Variants in CEP112 observed in about 807,000 individuals in gnomAD.
CEP112 encodes centrosomal protein 112.
Under a neutral mutation model 153.0 loss-of-function variants are expected in CEP112, and 127 were observed. The observed-to-expected ratio is 0.83, with a 90% CI of 0.72 to 0.96. The LOEUF (loss-of-function observed/expected upper bound fraction) is 0.96, where lower values mean the gene tolerates loss of function less well. Among genes scored for constraint, CEP112 ranks in the 40% least tolerant of loss-of-function variants. The pLI is 0.00. For missense variants in CEP112, 1,089 were observed against 1,101.2 expected (o/e 0.99, Z 0.16); for synonymous variants, 358 against 374.4 (o/e 0.96, Z 0.51).
At chr17:65,865,494 T>C (rs2058453843) in intron 20 of CEP112, among the ~76,000 whole-genome samples, 3 of 152,204 alleles carry the variant, frequency 2.0e-5, no homozygotes, top group African/African-American at 7.2e-5. Flanking sequence ...CAATGGGCCG[T>C]CCAGATCCCC....
intron 20 of CEP112, 145 bp downstream of exon 20, chr17:65,902,005 GGA>G (rs2059879714): frequency 7.1e-6 from 2 of 281,072 alleles, no homozygotes; most frequent in South Asian, 5.3e-5. Context: ...GGGGTGGGGG[GGA>G]GAAAAACAAA....
At chr17:66,048,551 G>A (rs186522268) in intron 12 of CEP112, among the ~76,000 whole-genome samples, 4 of 152,312 alleles carry the variant, frequency 2.6e-5, no homozygotes, top group South Asian at 2.1e-4. Flanking sequence ...ATATATAGGC[G>A]AACCTTCTTG....
intron 6 of CEP112, among the ~76,000 whole-genome samples, chr17:66,109,718 T>C (rs2068939252): frequency 6.6e-6 from 1 of 152,136 alleles, no homozygotes; most frequent in African/African-American, 2.4e-5. Context: ...GATCTAGCAA[T>C]TAAATGTGAT....
intron 24 of CEP112, among the ~76,000 whole-genome samples, chr17:65,650,437 C>A (rs897203232): frequency 2.0e-5 from 3 of 152,186 alleles, no homozygotes; most frequent in African/African-American, 7.2e-5. Flanking sequence ...CTAGCACTTT[C>A]CTGGCAAGGA....
chr17:65,665,688 C>A lies in CEP112; in HGVS notation c.2697+23441G>T, dbSNP rs562154848. Among the ~76,000 whole-genome samples the A allele has an allele frequency of 2.0e-5, 3 of 152,268 alleles. No individual in the cohort carries two copies. In the South Asian group the frequency reaches 6.2e-4, roughly 32 times the overall value. On this transcript the variant is annotated intron_variant, in intron 24 of 26. Coordinates refer to ENST00000535342, the MANE Select transcript of CEP112 (RefSeq NM_001199165.4). ...TTGGCTTTTGGTCACATAATTTGAG[C>A]TATTGGATTAAGCCTCCCCTGAAGC...
chr17:65,791,849 T>C (rs1352687097), intron 21 of CEP112, among the ~76,000 whole-genome samples: 1 of 152,124 alleles, frequency 6.6e-6, no homozygotes, highest in African/African-American at 2.4e-5. Context: ...TAAAATACAA[T>C]GAAATATATT....
chr17:66,061,101 A>C (rs898411093), intron 11 of CEP112, among the ~76,000 whole-genome samples: 4 of 152,088 alleles, frequency 2.6e-5, no homozygotes, highest in African/African-American at 4.8e-5. Flanking sequence ...AAAATAACCT[A>C]ATGACTTATT....
chr17:65,970,740 T>G (rs1002472831), intron 17 of CEP112, among the ~76,000 whole-genome samples: 1 of 149,690 alleles, frequency 6.7e-6, no homozygotes, highest in Non-Finnish European at 1.5e-5. Context: ...ATGCATGTGT[T>G]AATACATGCA....
chr17:66,191,307 T>G lies in CEP112; in HGVS notation c.-9+690A>C, dbSNP rs1006425666. On this transcript the variant is annotated intron_variant, in intron 1 of 26. Transcript: ENST00000535342. This position sits in a 1 kb window ranked among gnomAD's most constrained non-coding sequence, Gnocchi z 4.2. ...CTGTGGAGAGGCTCATGGAATTTAA[T>G]GTGCCTTTTCTATCTTATTTTGACT... Among the ~76,000 whole-genome samples the G allele has an allele frequency of 1.3e-5, 2 of 152,236 alleles. No homozygotes were observed. Among genetic ancestry groups the G allele is most frequent in the Non-Finnish European group, 2.9e-5 (2 of 68,044 alleles).
chr17:65,995,900 T>TTC (rs1018991354), intron 17 of CEP112, among the ~76,000 whole-genome samples: 1 of 152,154 alleles, frequency 6.6e-6, no homozygotes, highest in Non-Finnish European at 1.5e-5. Flanking sequence ...TTGGCTCTCA[T>TTC]TCTCTCTTGC....
chr17:65,715,490 G>C (rs995703962), intron 23 of CEP112, among the ~76,000 whole-genome samples: 2 of 151,672 alleles, frequency 1.3e-5, no homozygotes, highest in Non-Finnish European at 2.9e-5. Context: ...TTGCTCCGTC[G>C]CTCAGGCTGG....
At chr17:65,896,504 G>T (rs2059664160) in intron 20 of CEP112, among the ~76,000 whole-genome samples, 1 of 151,750 alleles carries the variant, frequency 6.6e-6, no homozygotes. Flanking sequence ...AAATACTTAA[G>T]AAATAGTATT....
rs779612554 is a variant in CEP112 at position 66,176,818 on chromosome 17, A to G, written c.297+12T>C. The G allele has an allele frequency of 6.3e-7, 1 of 1,586,006 alleles. No individual in the cohort carries two copies. The highest frequency in any genetic ancestry group is 2.2e-5 in the East Asian group (1 of 44,638). ...TGAAACTAATATATACCTTTTGTTC[A>G]TTGATACCTACCATGTATGAAGGTA... On this transcript the variant is annotated intron_variant, in intron 3 of 26. Transcript: ENST00000535342.
At chr17:65,842,932 T>A (rs376896125) in intron 21 of CEP112, among the ~76,000 whole-genome samples, 17 of 152,212 alleles carry the variant, frequency 1.1e-4, no homozygotes, top group South Asian at 4.1e-4. Context: ...TTTCTTTAAA[T>A]ACTTATCCTA....
chr17:66,109,238 T>C (rs1391600946), intron 6 of CEP112, among the ~76,000 whole-genome samples: 1 of 152,152 alleles, frequency 6.6e-6, no homozygotes, highest in Non-Finnish European at 1.5e-5. Context: ...GAATAATTTA[T>C]TGAACATTTT....
At chr17:65,722,640 G>C (rs778197137) in intron 23 of CEP112, among the ~76,000 whole-genome samples, 3 of 152,200 alleles carry the variant, frequency 2.0e-5, no homozygotes, top group Admixed American at 6.5e-5. Flanking sequence ...TGGTATAAAA[G>C]AAAACAGATT....
chr17:65,971,037 A>G (rs2062748127), intron 17 of CEP112, among the ~76,000 whole-genome samples: 2 of 152,208 alleles, frequency 1.3e-5, no homozygotes, highest in Non-Finnish European at 2.9e-5. Flanking sequence ...AATTTTTAAG[A>G]GGCTTGTATT....
chr17:65,979,277 ACT>A (rs2063145431), intron 17 of CEP112, among the ~76,000 whole-genome samples: 1 of 151,724 alleles, frequency 6.6e-6, no homozygotes, highest in African/African-American at 2.4e-5. Flanking sequence ...ACAAGGTCTC[ACT>A]CTGTCACCCT....
intron 19 of CEP112, among the ~76,000 whole-genome samples, chr17:65,927,193 C>T (rs2060957353): frequency 6.6e-6 from 1 of 152,056 alleles, no homozygotes; most frequent in African/African-American, 2.4e-5. Flanking sequence ...CCTGCTTTTG[C>T]CATGTAAGGT....
Sources: gnomAD v4.1 joint callset for allele counts (sites outside exome capture counted in the v4.1 genomes callset) on GRCh38, gnomAD v4.1.1 for gene constraint, Gnocchi (gnomAD v3.1) non-coding constraint, MANE v1.5 for transcripts, NCBI Gene and HGNC (gene_info 2026-07-23, HGNC 2026-07-21) for gene names.